Variants in SLC4A10 observed in about 807,000 individuals in gnomAD.
SLC4A10 encodes solute carrier family 4 member 10, also known as sodium-driven chloride bicarbonate exchanger.
In SLC4A10, 42 loss-of-function variants were observed where a neutral mutation model predicts 137.7. The ratio of observed to expected loss-of-function variants is 0.30; its 90% CI spans 0.24 to 0.39. The LOEUF (loss-of-function observed/expected upper bound fraction) is 0.39. Among genes scored for constraint, SLC4A10 ranks in the 10% least tolerant of loss-of-function variants. SLC4A10 has a pLI of 1.00. For synonymous variants in SLC4A10, 474 were observed against 464.1 expected (o/e 1.02, Z -0.27); for missense variants, 925 against 1,355.0 (o/e 0.68, Z 4.98).
chr2:161,753,634 G>T (rs1320751246), intron 1 of SLC4A10, among the ~76,000 whole-genome samples: 4 of 151,950 alleles, frequency 2.6e-5, no homozygotes, highest in African/African-American at 9.7e-5. Flanking sequence ...TAGTAGTAGT[G>T]GTAGTAGTAG....
intron 1 of SLC4A10, among the ~76,000 whole-genome samples, chr2:161,761,012 A>G (rs181772881): frequency 1.3e-5 from 2 of 152,192 alleles, no homozygotes; most frequent in East Asian, 3.9e-4. Context: ...AATATTAAAA[A>G]CAATAATAAC....
chr2:161,781,759 C>G (rs930163718), intron 2 of SLC4A10, among the ~76,000 whole-genome samples: 2 of 152,018 alleles, frequency 1.3e-5, no homozygotes, highest in Admixed American at 1.3e-4. Context: ...GAACAATTCA[C>G]AGAAAAATTC....
At chr2:161,806,068 A>T (rs780954112) in intron 3 of SLC4A10, among the ~76,000 whole-genome samples, 6 of 152,172 alleles carry the variant, frequency 3.9e-5, no homozygotes, top group Non-Finnish European at 7.4e-5. Flanking sequence ...GTACACCTGC[A>T]GGCTCAACAC....
At position 161,781,357 on chromosome 2, in the gene SLC4A10, T is replaced by C. The variant is rs888122166; in HGVS notation, c.130+10303T>C. Among the ~76,000 whole-genome samples the C allele has an allele frequency of 3.3e-5, 5 of 152,198 alleles. No individual in the cohort carries two copies. The South Asian group carries it at 6.2e-4, about 19-fold the overall frequency. ...ATATTCAATAAATATCTTCCACTTA[T>C]GTCCTTTAATTCAGTACAATGCTTT... On this transcript the variant is annotated intron_variant, in intron 2 of 26. Transcript: ENST00000446997.
intron 17 of SLC4A10, among the ~76,000 whole-genome samples, chr2:161,948,865 A>T (rs916555740): frequency 6.6e-6 from 1 of 152,080 alleles, no homozygotes; most frequent in African/African-American, 2.4e-5. Flanking sequence ...TTCATCATAA[A>T]GTTAGATTTT....
rs1490960556 is a variant in SLC4A10 at position 161,879,123 on chromosome 2, G to A, written c.949-8G>A. On this transcript the variant is annotated splice_polypyrimidine_tract_variant and splice_region_variant and intron_variant, in intron 8 of 26. Transcript: ENST00000446997. ...TGATTTATCATATTTACCTGGTGAT[G>A]CTTGCAGGTTGATCTGCATTTTATG... The A allele has an allele frequency of 6.2e-7, 1 of 1,612,106 alleles. No individual in the cohort carries two copies. The highest frequency in any genetic ancestry group is 8.5e-7 in the Non-Finnish European group (1 of 1,178,734).
chr2:161,946,345 T>C (rs1693798591), intron 16 of SLC4A10, among the ~76,000 whole-genome samples: 2 of 152,066 alleles, frequency 1.3e-5, no homozygotes, highest in South Asian at 4.1e-4. Flanking sequence ...TTACTAGTTG[T>C]TTGTTTTCAG....
intron 9 of SLC4A10, among the ~76,000 whole-genome samples, chr2:161,880,333 G>T (rs1432508582): frequency 6.6e-6 from 1 of 152,090 alleles, no homozygotes; most frequent in Non-Finnish European, 1.5e-5. Context: ...TGAATCTTTG[G>T]CCTTAACTCA....
At chr2:161,686,958 C>T (rs995406433) in intron 1 of SLC4A10, among the ~76,000 whole-genome samples, 11 of 150,374 alleles carry the variant, frequency 7.3e-5, no homozygotes, top group African/African-American at 2.7e-4. Context: ...TCTCGGCTCA[C>T]TGCAACCTCC....
At chr2:161,702,288 T>C (rs2043203761) in intron 1 of SLC4A10, among the ~76,000 whole-genome samples, 1 of 151,938 alleles carries the variant, frequency 6.6e-6, no homozygotes, top group African/African-American at 2.4e-5. Context: ...TTAAGTGAAA[T>C]AAGCCAAGAT....
Position 161,950,746 on chromosome 2 carries a change from A to C in SLC4A10, c.2439A>C (p.Thr813=). ...CTTTAGGTCCAAACCCATGGTGGACAGTAATAGCTGCTATAATTCCAGCTC... is the reference window on the plus strand; with the variant it reads ...CTTTAGGTCCAAACCCATGGTGGACCGTAATAGCTGCTATAATTCCAGCTC... ...VTPLGPNPWW[T]VIAAIIPALL... is the part of the protein sequence containing the mutation. Residue 813 remains threonine, a synonymous_variant, in exon 19 of 27, where the codon ACA becomes ACC. Transcript: ENST00000446997. 2 of 1,596,890 alleles carry C rather than the reference A, an allele frequency of 1.3e-6. No homozygotes were observed. The highest frequency in any genetic ancestry group is 1.7e-6 in the Non-Finnish European group (2 of 1,170,782).
intron 23 of SLC4A10, among the ~76,000 whole-genome samples, chr2:161,965,949 A>G (rs1418304497): frequency 6.6e-6 from 1 of 152,216 alleles, no homozygotes; most frequent in East Asian, 1.9e-4. Context: ...GTAAAACACA[A>G]CAAAGTTTTC....
intron 1 of SLC4A10, among the ~76,000 whole-genome samples, chr2:161,657,912 G>A (rs1306273230): frequency 6.6e-6 from 1 of 152,060 alleles, no homozygotes; most frequent in Non-Finnish European, 1.5e-5. Flanking sequence ...AGACCAATAT[G>A]CAATTATAAT....
At chr2:161,690,206 A>T (rs2041841703) in intron 1 of SLC4A10, among the ~76,000 whole-genome samples, 1 of 152,206 alleles carries the variant, frequency 6.6e-6, no homozygotes, top group African/African-American at 2.4e-5. Flanking sequence ...GCTCAACATC[A>T]CTGATAATTA....
chr2:161,731,256 G>A (rs1314824855), intron 1 of SLC4A10, among the ~76,000 whole-genome samples: 1 of 152,026 alleles, frequency 6.6e-6, no homozygotes, highest in Non-Finnish European at 1.5e-5. Context: ...TGTACCACTG[G>A]TCTTTTGAAT....
intron 11 of SLC4A10, among the ~76,000 whole-genome samples, chr2:161,898,988 C>T: frequency 6.6e-6 from 1 of 152,096 alleles, no homozygotes; most frequent in South Asian, 2.1e-4. Context: ...CTGACCCTCA[C>T]TCTCATATGC....
intron 15 of SLC4A10, among the ~76,000 whole-genome samples, chr2:161,938,888 G>A (rs1394011426): frequency 1.3e-5 from 2 of 151,502 alleles, no homozygotes; most frequent in Non-Finnish European, 2.9e-5. Context: ...CCCACAAATA[G>A]TACAGGAAGA....
chr2:161,626,632 T>C (rs947116020), intron 1 of SLC4A10, among the ~76,000 whole-genome samples: 2 of 152,170 alleles, frequency 1.3e-5, no homozygotes, highest in African/African-American at 4.8e-5. Context: ...AAACCTTTTT[T>C]GTTTAATTTT....
At chr2:161,727,864 G>C (rs149053347) in intron 1 of SLC4A10, among the ~76,000 whole-genome samples, 27 of 151,908 alleles carry the variant, frequency 1.8e-4, no homozygotes, top group Non-Finnish European at 3.7e-4. Flanking sequence ...CAAAAGGACC[G>C]GTGTATGATT....
Sources: gnomAD v4.1 joint callset for allele counts (sites outside exome capture counted in the v4.1 genomes callset) on GRCh38, gnomAD v4.1.1 for gene constraint, MANE v1.5 for transcripts, NCBI Gene and HGNC (gene_info 2026-07-23, HGNC 2026-07-21) for gene names.